The following CLYBL variants were observed in gnomAD, a reference collection of about 807,000 sequenced individuals.
CLYBL encodes citramalyl-CoA lyase, mitochondrial.
CLYBL carries 31 observed loss-of-function variants against 38.9 expected under a neutral mutation model. The ratio of observed to expected loss-of-function variants is 0.80; its 90% CI spans 0.60 to 1.08. CLYBL has a LOEUF of 1.08. Among genes scored for constraint, CLYBL ranks in the 50% least tolerant of loss-of-function variants. The probability of loss-of-function intolerance (pLI) is 0.00; values close to 1 mark genes in which losing one functional copy is unlikely to be tolerated. For synonymous variants in CLYBL, 171 were observed against 158.6 expected, an observed-to-expected ratio of 1.08 and a Z score of -0.59; for missense variants, 434 against 411.6, an observed-to-expected ratio of 1.05 and a Z score of -0.47.
chr13:99,654,185 T>C (rs2047295192), intron 1 of CLYBL, among the ~76,000 whole-genome samples: 1 of 152,174 alleles, frequency 6.6e-6, no homozygotes. Flanking sequence ...CTTTGACCCA[T>C]GAATACACTC....
chr13:99,676,426 G>A (rs879448502), intron 1 of CLYBL, among the ~76,000 whole-genome samples: 1 of 150,220 alleles, frequency 6.7e-6, no homozygotes, highest in Non-Finnish European at 1.5e-5. Context: ...TTAGCCACTC[G>A]AGTAGCTGGG....
chr13:99,745,671 A>T (rs2048835847), intron 1 of CLYBL, among the ~76,000 whole-genome samples: 1 of 152,218 alleles, frequency 6.6e-6, no homozygotes. Context: ...AGGAAAAAAC[A>T]ATCTTAATCT....
chr13:99,632,414 T>TA (rs1290816279), intron 1 of CLYBL, among the ~76,000 whole-genome samples: 1 of 152,228 alleles, frequency 6.6e-6, no homozygotes, highest in African/African-American at 2.4e-5. Context: ...GGAATCTCTA[T>TA]AACATATCGA....
intron 8 of CLYBL, among the ~76,000 whole-genome samples, chr13:99,905,014 T>G (rs1279222913): frequency 4.7e-5 from 7 of 149,732 alleles, no homozygotes; most frequent in Non-Finnish European, 8.9e-5. Flanking sequence ...CCCCCACATC[T>G]GCCTCCTTTG....
At chr13:99,659,222 A>G (rs2047374947) in intron 1 of CLYBL, among the ~76,000 whole-genome samples, 1 of 151,862 alleles carries the variant, frequency 6.6e-6, no homozygotes, top group African/African-American at 2.4e-5. Flanking sequence ...GTGTGTATAT[A>G]TATATATGTA....
chr13:99,690,024 C>T (rs139476991), intron 1 of CLYBL: 1 of 152,360 alleles, frequency 6.6e-6, no homozygotes, highest in East Asian at 1.9e-4. Flanking sequence ...TTTGCAAGCT[C>T]TGTGGATGAA....
intron 2 of CLYBL, among the ~76,000 whole-genome samples, chr13:99,832,706 T>C (rs2050829762): frequency 6.6e-6 from 1 of 151,912 alleles, no homozygotes; most frequent in Admixed American, 6.6e-5. Context: ...CTTGTCACAG[T>C]TAGAATTAGG....
chr13:99,842,491 C>T (rs1170196422), intron 2 of CLYBL, among the ~76,000 whole-genome samples: 3 of 152,168 alleles, frequency 2.0e-5, no homozygotes, highest in South Asian at 4.1e-4. Context: ...CTAGGACTCT[C>T]TCCTGGTGCC....
chr13:99,696,958 C>T (rs575180572), intron 1 of CLYBL, among the ~76,000 whole-genome samples: 27 of 152,314 alleles, frequency 1.8e-4, no homozygotes, highest in South Asian at 1.7e-3. Flanking sequence ...TTGACCCTGT[C>T]TTCTCTGTTT....
At chr13:99,907,499 C>G (rs2052708629) in intron 9 of CLYBL, among the ~76,000 whole-genome samples, 1 of 151,988 alleles carries the variant, frequency 6.6e-6, no homozygotes. Context: ...GATAAGACTA[C>G]TGGTGATTTT....
At chr13:99,850,638 C>T (rs73559324) in intron 2 of CLYBL, among the ~76,000 whole-genome samples, 1,862 of 152,244 alleles carry the variant, frequency 0.012, 24 homozygotes, top group Middle Eastern at 0.044. Flanking sequence ...AAGCTAAACG[C>T]AGAATTACTA....
chr13:99,779,901 C>T (rs1390386536), intron 2 of CLYBL, among the ~76,000 whole-genome samples: 1 of 152,010 alleles, frequency 6.6e-6, no homozygotes, highest in Non-Finnish European at 1.5e-5. Context: ...GCTTCATGAC[C>T]AACTACATTA....
intron 1 of CLYBL, chr13:99,690,138 A>G (rs1009943551): frequency 1.3e-5 from 2 of 152,108 alleles, no homozygotes; most frequent in African/African-American, 2.4e-5. Flanking sequence ...GGAAAGTTTT[A>G]TTCACTTTTC....
intron 1 of CLYBL, among the ~76,000 whole-genome samples, chr13:99,754,439 AG>A (rs2049018468): frequency 6.7e-6 from 1 of 149,184 alleles, no homozygotes; most frequent in Non-Finnish European, 1.5e-5. Context: ...AAAAAAAAAA[AG>A]AGGAGAGATG....
intron 2 of CLYBL, among the ~76,000 whole-genome samples, chr13:99,840,750 CAAAAA>C (rs59274056): frequency 5.9e-5 from 1 of 16,812 alleles, no homozygotes; most frequent in Non-Finnish European, 1.0e-4. Flanking sequence ...ACCCTTGTCT[CAAAAA>C]AAAAAAAAAA....
Position 99,654,030 on chromosome 13 carries a change from G to A in CLYBL, c.62+47273G>A, listed in dbSNP as rs117546550. On this transcript the variant is annotated intron_variant, in intron 1 of 8. Transcript: ENST00000339105. The stretch of plus-strand genomic sequence containing the variant: ...GAGGTCTCAGGCTCCTTTAGCTATG[G>A]TTCTGCCAACCTCAGCACATGGCAC... Among the ~76,000 whole-genome samples, 529 of 152,284 alleles carry A rather than the reference G, an allele frequency of 3.5e-3. 5 individuals are homozygous for A. The highest frequency in any genetic ancestry group is 4.4e-3 in the Non-Finnish European group (300 of 68,028).
At chr13:99,703,878 C>T (rs1367135129) in intron 1 of CLYBL, among the ~76,000 whole-genome samples, 1 of 152,134 alleles carries the variant, frequency 6.6e-6, no homozygotes, top group Non-Finnish European at 1.5e-5. Flanking sequence ...CATAAAAAAG[C>T]TTATACATAT....
intron 1 of CLYBL, among the ~76,000 whole-genome samples, chr13:99,622,841 T>A (rs1248172759): frequency 6.6e-6 from 1 of 152,188 alleles, no homozygotes. Context: ...TGTAGCTCTG[T>A]CATCCAGGTT....
At chr13:99,710,989 G>C (rs1012828149) in intron 1 of CLYBL, among the ~76,000 whole-genome samples, 1 of 148,082 alleles carries the variant, frequency 6.8e-6, no homozygotes, top group East Asian at 2.0e-4. Flanking sequence ...CTAGGTTCAA[G>C]TGATTATCAT....
Sources: allele counts gnomAD v4.1 joint callset (sites outside exome capture counted in the v4.1 genomes callset), GRCh38; gene constraint gnomAD v4.1.1; transcripts MANE v1.5; gene names NCBI Gene and HGNC (gene_info 2026-07-23, HGNC 2026-07-21).